Variants in GPC5 observed in about 807,000 individuals in gnomAD.
GPC5 encodes the protein glypican 5.
GPC5 carries 47 observed loss-of-function variants against 53.9 expected under a neutral mutation model. The observed-to-expected ratio is 0.87, with a 90% CI of 0.69 to 1.11. GPC5 has a LOEUF of 1.11. Ranked by LOEUF, GPC5 falls within the 50% of genes most tolerant of loss-of-function variation. The pLI, the probability that GPC5 is intolerant of heterozygous loss-of-function variation, is 0.00. For missense variants in GPC5, 748 were observed against 713.1 expected, an observed-to-expected ratio of 1.05 and a Z score of -0.56; for synonymous variants, 286 against 263.3, an observed-to-expected ratio of 1.09 and a Z score of -0.84.
intron 7 of GPC5, among the ~76,000 whole-genome samples, chr13:92,217,911 CTTTTTT>C (rs61595116): frequency 2.0e-4 from 17 of 85,216 alleles, no homozygotes; most frequent in African/African-American, 8.0e-4. Context: ...ATTATTTCTA[CTTTTTT>C]TTTTTTTTTT....
chr13:91,791,708 A>G (rs984879178), intron 5 of GPC5, among the ~76,000 whole-genome samples: 4 of 149,494 alleles, frequency 2.7e-5, no homozygotes, highest in African/African-American at 1.0e-4. Flanking sequence ...AATTGAAAAT[A>G]CTCTCTTCCA....
At chr13:92,096,741 T>G (rs1185083487) in intron 6 of GPC5, among the ~76,000 whole-genome samples, 1 of 152,192 alleles carries the variant, frequency 6.6e-6, no homozygotes, top group Non-Finnish European at 1.5e-5. Context: ...GACACCATGT[T>G]GGTATGTTGT....
intron 7 of GPC5, among the ~76,000 whole-genome samples, chr13:92,535,681 A>C (rs896304431): frequency 6.7e-6 from 1 of 149,648 alleles, no homozygotes; most frequent in African/African-American, 2.5e-5. Context: ...AAAAAAAAAC[A>C]ACCAGTCTGT....
At chr13:91,838,803 C>T (rs575749441) in intron 5 of GPC5, among the ~76,000 whole-genome samples, 2 of 152,168 alleles carry the variant, frequency 1.3e-5, no homozygotes, top group East Asian at 3.9e-4. Flanking sequence ...GAATGTGAGA[C>T]AATTGTTCTT....
intron 2 of GPC5, among the ~76,000 whole-genome samples, chr13:91,471,449 C>G (rs1177126029): frequency 1.3e-5 from 2 of 152,062 alleles, no homozygotes; most frequent in Non-Finnish European, 2.9e-5. Context: ...ATTTAGTTCA[C>G]TCTGGTTTAT....
intron 7 of GPC5, among the ~76,000 whole-genome samples, chr13:92,427,960 A>T (rs1033382216): frequency 6.6e-6 from 1 of 152,152 alleles, no homozygotes; most frequent in Non-Finnish European, 1.5e-5. Context: ...AGACAAAATA[A>T]TAATGTGGAA....
At chr13:91,680,976 T>C (rs966106023) in intron 2 of GPC5, among the ~76,000 whole-genome samples, 4 of 152,196 alleles carry the variant, frequency 2.6e-5, no homozygotes, top group African/African-American at 9.6e-5. Flanking sequence ...ATGGATTAAA[T>C]GTTTTAAAAT....
At chr13:91,730,796 G>T (rs915273190) in intron 4 of GPC5, among the ~76,000 whole-genome samples, 4 of 152,126 alleles carry the variant, frequency 2.6e-5, no homozygotes, top group African/African-American at 9.7e-5. Context: ...AGTATGTAAA[G>T]GAATCTAAAA....
intron 7 of GPC5, among the ~76,000 whole-genome samples, chr13:92,661,825 C>G (rs1215628085): frequency 6.6e-6 from 1 of 152,142 alleles, no homozygotes; most frequent in East Asian, 1.9e-4. Flanking sequence ...GATAAGAATA[C>G]AGTGTGAATT....
At chr13:92,255,017 C>T (rs924542879) in intron 7 of GPC5, among the ~76,000 whole-genome samples, 17 of 152,238 alleles carry the variant, frequency 1.1e-4, no homozygotes, top group South Asian at 1.0e-3. Flanking sequence ...AATCAAAATA[C>T]ACTATAACTA....
chr13:92,171,607 A>G (rs570041868), intron 7 of GPC5, among the ~76,000 whole-genome samples: 5 of 152,120 alleles, frequency 3.3e-5, no homozygotes, highest in African/African-American at 7.2e-5. Flanking sequence ...ATTTTCCACA[A>G]TTGACAATGT....
intron 7 of GPC5, among the ~76,000 whole-genome samples, chr13:92,616,080 A>T (rs1236991996): frequency 1.3e-5 from 2 of 152,164 alleles, no homozygotes; most frequent in African/African-American, 4.8e-5. Context: ...AAACAAACAA[A>T]AAACTTCCCC....
chr13:92,278,550 A>T (rs1166986856), intron 7 of GPC5, among the ~76,000 whole-genome samples: 1 of 152,042 alleles, frequency 6.6e-6, no homozygotes. Context: ...GATTATTTTC[A>T]CATTCCCACT....
intron 3 of GPC5, among the ~76,000 whole-genome samples, chr13:91,697,531 C>G (rs1345394179): frequency 6.6e-6 from 1 of 152,022 alleles, no homozygotes; most frequent in Non-Finnish European, 1.5e-5. Context: ...TTTAATTAAA[C>G]AAATGCTTGT....
chr13:92,350,027 T>C (rs80045483), intron 7 of GPC5, among the ~76,000 whole-genome samples: 2,689 of 152,232 alleles, frequency 0.018, 89 homozygotes, highest in African/African-American at 0.061. Context: ...ATTAAAGGGA[T>C]CATCCATCAT....
chr13:91,761,921 CT>C (rs768241383), intron 5 of GPC5, among the ~76,000 whole-genome samples: 52 of 152,188 alleles, frequency 3.4e-4, no homozygotes, highest in Non-Finnish European at 6.3e-4. Context: ...TCTAATCATG[CT>C]TCTGTCTTTC....
rs60533993 is a variant in GPC5, at chr13:91,398,671, CGGCGGCAGT to C, written c.-349_-341del. 83,091 of 152,954 alleles carry C rather than the reference CGGCGGCAGT, an allele frequency of 0.54. 17,670 individuals are homozygous for C. Among genetic ancestry groups the C allele is most frequent in the Non-Finnish European group, 0.57 (42,763 of 75,510 alleles). 9.5% of individuals were successfully genotyped at this position (152,954 alleles called of 1,614,324 possible). A position where few individuals can be genotyped will look rare whatever the true frequency, so the allele number is the denominator to read the frequency against. On this transcript the variant is annotated 5_prime_UTR_variant, in exon 1 of 8. Transcript: ENST00000377067. ...AGCCGGGCGGCGGAGGCGGCGGCGGCGGCGGCAGTGGCGGCAGTGGCGGCAGTGGCGGCA... is the reference window on the plus strand; with the variant it reads ...AGCCGGGCGGCGGAGGCGGCGGCGGCGGCGGCAGTGGCGGCAGTGGCGGCA...
intron 5 of GPC5, among the ~76,000 whole-genome samples, chr13:91,796,469 T>A (rs1195771624): frequency 6.6e-6 from 1 of 152,026 alleles, no homozygotes; most frequent in Non-Finnish European, 1.5e-5. Context: ...AAAACAGAGC[T>A]CCCATACAAC....
At chr13:91,893,048 T>G (rs959033799) in intron 5 of GPC5, among the ~76,000 whole-genome samples, 2 of 151,974 alleles carry the variant, frequency 1.3e-5, no homozygotes, top group African/African-American at 4.8e-5. Flanking sequence ...TTGAAGATAT[T>G]TGCGTGGACA....
Sources: gnomAD v4.1 joint callset for allele counts (sites outside exome capture counted in the v4.1 genomes callset) on GRCh38, gnomAD v4.1.1 for gene constraint, MANE v1.5 for transcripts, NCBI Gene and HGNC (gene_info 2026-07-23, HGNC 2026-07-21) for gene names.